TNFSF4: variants seen among roughly 807,000 people sequenced by gnomAD.
TNFSF4 encodes tumor necrosis factor ligand superfamily member 4.
In TNFSF4, 4 loss-of-function variants were observed where a neutral mutation model predicts 7.3. The observed-to-expected ratio is 0.55, with a 90% CI of 0.27 to 1.25. TNFSF4 has a LOEUF of 1.25. Ranked by LOEUF, TNFSF4 falls within the 50% of genes most tolerant of loss-of-function variation. TNFSF4 has a pLI of 0.12. For synonymous variants in TNFSF4, 76 were observed against 83.7 expected (o/e 0.91, Z 0.50); for missense variants, 181 against 208.8 (o/e 0.87, Z 0.82).
chr1:173,215,148 C>G, the TNFSF4 span, among the ~76,000 whole-genome samples: 6 of 152,136 alleles, frequency 3.9e-5, no homozygotes, highest in Admixed American at 3.9e-4. Context: ...CTTGAGCCAT[C>G]TCTCTCTCCA....
At chr1:173,408,196 G>C in the TNFSF4 span, among the ~76,000 whole-genome samples, 1 of 152,146 alleles carries the variant, frequency 6.6e-6, no homozygotes, top group Non-Finnish European at 1.5e-5. Flanking sequence ...AAAAGAGCCA[G>C]GCCCCTCAGG....
the TNFSF4 span, among the ~76,000 whole-genome samples, chr1:173,335,548 A>C: frequency 2.0e-5 from 3 of 152,216 alleles, no homozygotes; most frequent in Non-Finnish European, 4.4e-5. Context: ...AGTCAGGCCC[A>C]CCTAAGGCAC....
At chr1:173,215,373 T>C in the TNFSF4 span, among the ~76,000 whole-genome samples, 1 of 152,100 alleles carries the variant, frequency 6.6e-6, no homozygotes, top group Non-Finnish European at 1.5e-5. Context: ...CAAAAGAGCA[T>C]TGCTTCTTGA....
chr1:173,302,125 G>A, the TNFSF4 span, among the ~76,000 whole-genome samples: 6 of 151,818 alleles, frequency 4.0e-5, no homozygotes, highest in East Asian at 1.9e-4. Context: ...CTCTCAAACC[G>A]TGTTCTTCTC....
chr1:173,422,029 C>T, the TNFSF4 span, among the ~76,000 whole-genome samples: 1 of 152,030 alleles, frequency 6.6e-6, no homozygotes, highest in Non-Finnish European at 1.5e-5. Flanking sequence ...AGCCATGTTA[C>T]AGTCCCACAG....
chr1:173,369,362 G>A, the TNFSF4 span, among the ~76,000 whole-genome samples: 1 of 152,190 alleles, frequency 6.6e-6, no homozygotes, highest in African/African-American at 2.4e-5. Flanking sequence ...GGTCCTCTTT[G>A]TGGTCTAAGA....
At chr1:173,334,022 T>C in the TNFSF4 span, among the ~76,000 whole-genome samples, 1 of 152,042 alleles carries the variant, frequency 6.6e-6, no homozygotes, top group Non-Finnish European at 1.5e-5. Flanking sequence ...TCCATAATCA[T>C]GTGAGCAAAA....
At chr1:173,328,651 C>G in the TNFSF4 span, among the ~76,000 whole-genome samples, 2 of 151,248 alleles carry the variant, frequency 1.3e-5, no homozygotes, top group African/African-American at 4.9e-5. Flanking sequence ...CCTGCACATT[C>G]TGCACATGCA....
At chr1:173,357,137 C>A in the TNFSF4 span, among the ~76,000 whole-genome samples, 4 of 152,176 alleles carry the variant, frequency 2.6e-5, no homozygotes, top group Admixed American at 2.6e-4. Flanking sequence ...AGTCAATTGA[C>A]TTTGGGCATT....
the TNFSF4 span, among the ~76,000 whole-genome samples, chr1:173,174,782 G>A: frequency 5.3e-5 from 8 of 152,116 alleles, no homozygotes; most frequent in Non-Finnish European, 8.8e-5. Flanking sequence ...CTGTCTCATT[G>A]TTTTCTGTGG....
the TNFSF4 span, among the ~76,000 whole-genome samples, chr1:173,316,421 C>T: frequency 6.6e-6 from 1 of 151,958 alleles, no homozygotes; most frequent in Non-Finnish European, 1.5e-5. Flanking sequence ...CTCAGAAGTT[C>T]CTCAATAACA....
chr1:173,345,641 G>T, the TNFSF4 span, among the ~76,000 whole-genome samples: 2 of 152,228 alleles, frequency 1.3e-5, no homozygotes, highest in African/African-American at 4.8e-5. Flanking sequence ...CAAGGGTAAA[G>T]AATGTTCACT....
At chr1:173,384,943 T>C in the TNFSF4 span, among the ~76,000 whole-genome samples, 1 of 152,228 alleles carries the variant, frequency 6.6e-6, no homozygotes, top group African/African-American at 2.4e-5. Context: ...TCAAATATGG[T>C]TTTAGTGTAG....
At chr1:173,219,828 A>C in the TNFSF4 span, among the ~76,000 whole-genome samples, 1 of 152,206 alleles carries the variant, frequency 6.6e-6, no homozygotes, top group African/African-American at 2.4e-5. Context: ...GTTCTTGCTC[A>C]TAAGTGGGAG....
the TNFSF4 span, among the ~76,000 whole-genome samples, chr1:173,378,533 T>C: frequency 6.6e-6 from 1 of 152,144 alleles, no homozygotes; most frequent in South Asian, 2.1e-4. Flanking sequence ...AGGTGGCTCA[T>C]TTTTTTCTGC....
the TNFSF4 span, among the ~76,000 whole-genome samples, chr1:173,234,155 C>A: frequency 6.6e-6 from 1 of 152,218 alleles, no homozygotes; most frequent in Non-Finnish European, 1.5e-5. Context: ...ACAGAAACTT[C>A]TCAAAAGAAG....
At chr1:173,242,032 C>T in the TNFSF4 span, among the ~76,000 whole-genome samples, 2 of 152,280 alleles carry the variant, frequency 1.3e-5, no homozygotes, top group East Asian at 1.9e-4. Context: ...AATTTTAGGT[C>T]TTACAATATG....
the TNFSF4 span, among the ~76,000 whole-genome samples, chr1:173,295,362 A>C: frequency 6.6e-6 from 1 of 152,068 alleles, no homozygotes; most frequent in Non-Finnish European, 1.5e-5. Context: ...GGATAAGCAA[A>C]TGGTGATGTA....
chr1:173,180,109 G>A (rs977503179), downstream of TNFSF4, among the ~76,000 whole-genome samples: 5 of 151,888 alleles, frequency 3.3e-5, no homozygotes, highest in African/African-American at 1.2e-4. Context: ...ATTTCTTCAT[G>A]CCTCTCAAAA....
Sources: allele counts gnomAD v4.1 joint callset (sites outside exome capture counted in the v4.1 genomes callset), GRCh38; gene constraint gnomAD v4.1.1; transcripts MANE v1.5; gene names NCBI Gene and HGNC (gene_info 2026-07-23, HGNC 2026-07-21).